The following DOCK7 variants were observed in gnomAD, a reference collection of about 807,000 sequenced individuals.
The protein encoded by DOCK7 is dedicator of cytokinesis protein 7.
DOCK7 carries 138 observed loss-of-function variants against 271.0 expected under a neutral mutation model. The observed-to-expected ratio is 0.51, with a 90% CI of 0.44 to 0.59. DOCK7 has a LOEUF of 0.59. DOCK7 is among the 20% of genes least tolerant of loss of function. DOCK7 has a pLI of 0.00. For missense variants in DOCK7, 2,066 were observed against 2,592.4 expected (o/e 0.80, Z 4.41); for synonymous variants, 823 against 876.1 (o/e 0.94, Z 1.07).
chr1:62,602,923 T>C (rs1650365142), intron 14 of DOCK7, among the ~76,000 whole-genome samples: 1 of 151,612 alleles, frequency 6.6e-6, no homozygotes, highest in African/African-American at 2.4e-5. Flanking sequence ...AATAGTAAAA[T>C]AAGCAAGATA....
intron 14 of DOCK7, among the ~76,000 whole-genome samples, chr1:62,614,914 A>G (rs896338768): frequency 7.2e-5 from 11 of 151,988 alleles, no homozygotes; most frequent in African/African-American, 2.6e-4. Flanking sequence ...TTGTTTTGTT[A>G]TAACATTGAC....
intron 48 of DOCK7, 61 bp downstream of exon 48, chr1:62,473,921 G>A: frequency 2.2e-6 from 3 of 1,394,038 alleles, no homozygotes; most frequent in African/African-American, 1.4e-5. Context: ...AGGCCCTTAT[G>A]TCATACTGTG....
At chr1:62,461,579 A>T (rs1645527684) in intron 48 of DOCK7, among the ~76,000 whole-genome samples, 1 of 151,788 alleles carries the variant, frequency 6.6e-6, no homozygotes, top group South Asian at 2.1e-4. Flanking sequence ...AGGCAGGAGG[A>T]TCGCTTGAAT....
intron 14 of DOCK7, among the ~76,000 whole-genome samples, chr1:62,614,859 G>A (rs1039064138): frequency 2.1e-4 from 32 of 151,838 alleles, no homozygotes; most frequent in Admixed American, 1.2e-3. Flanking sequence ...AGGACTTTAA[G>A]GACCATGTGC....
chr1:62,486,427 C>T (rs1646295771), intron 43 of DOCK7: 1 of 152,084 alleles, frequency 6.6e-6, no homozygotes, highest in South Asian at 2.1e-4. Context: ...AGGCAAAGCA[C>T]ACAACTTTAC....
At chr1:62,581,744 C>T (rs1387973132) in intron 16 of DOCK7, among the ~76,000 whole-genome samples, 3 of 150,294 alleles carry the variant, frequency 2.0e-5, no homozygotes, top group African/African-American at 7.3e-5. Context: ...AAAAAGAATA[C>T]TACAGAAAAA....
intron 7 of DOCK7, among the ~76,000 whole-genome samples, chr1:62,640,906 T>C (rs905686451): frequency 2.6e-5 from 4 of 152,220 alleles, no homozygotes; most frequent in South Asian, 2.1e-4. Flanking sequence ...AAGTAGGTCA[T>C]AGACAAATTA....
chr1:62,605,907 T>G (rs1386457392), intron 14 of DOCK7: 3 of 152,084 alleles, frequency 2.0e-5, no homozygotes, highest in Non-Finnish European at 4.4e-5. Flanking sequence ...AATTTATTTT[T>G]AAATATGATT....
chr1:62,465,200 T>C (rs1321176740), intron 48 of DOCK7, among the ~76,000 whole-genome samples: 1 of 152,220 alleles, frequency 6.6e-6, no homozygotes, highest in African/African-American at 2.4e-5. Flanking sequence ...ATGCTACTTA[T>C]CTCCAGGTGA....
intron 48 of DOCK7, among the ~76,000 whole-genome samples, chr1:62,461,241 G>A (rs889961030): frequency 2.0e-5 from 3 of 151,984 alleles, no homozygotes; most frequent in Admixed American, 6.6e-5. Flanking sequence ...AGTACTGGAC[G>A]TCCTAAATAT....
At position 62,543,731 on chromosome 1, in the gene DOCK7, A is replaced by G. The variant is rs1408259454; in HGVS notation, c.2874T>C (p.Ser958=). 6.3e-7 allele frequency: 1 copy of G among 1,595,532 alleles called. No individual in the cohort carries two copies. The highest frequency in any genetic ancestry group is 1.7e-5 in the Admixed American group (1 of 59,830). ...SAESTQAMDR[S]CNRMSSHTET... is the part of the protein sequence containing the mutation. ...CTGTGTGCGAAGACATACGATTACA[A>G]CTTCGATCCATAGCCTATGGAGTGA... The change falls in exon 24 of 50, where the codon AGT becomes AGC. Residue 958 remains serine, a synonymous_variant. Coordinates refer to ENST00000635253, the MANE Select transcript of DOCK7 (RefSeq NM_001367561.1).
intron 28 of DOCK7, among the ~76,000 whole-genome samples, chr1:62,536,230 C>T (rs946430369): frequency 7.2e-5 from 11 of 152,058 alleles, no homozygotes; most frequent in Admixed American, 3.9e-4. Context: ...TTCTCTATGG[C>T]GAAATCTTCT....
At position 62,582,549 on chromosome 1, in the gene DOCK7, C is replaced by CAAA. The variant is rs34110232; in HGVS notation, c.1871+632_1871+634dup. Among the ~76,000 whole-genome samples, 106 of 16,870 alleles carry CAAA rather than the reference C, an allele frequency of 6.3e-3. 9 individuals are homozygous for CAAA. Among genetic ancestry groups the CAAA allele is most frequent in the Non-Finnish European group, 9.6e-3 (74 of 7,682 alleles). The allele number at this position is 16,870 out of a possible 152,430, so 11.1% of individuals were successfully genotyped here. A position where few individuals can be genotyped will look rare whatever the true frequency, so the allele number is the denominator to read the frequency against. On this transcript the variant is annotated intron_variant, in intron 16 of 49. Coordinates refer to ENST00000635253, the MANE Select transcript of DOCK7 (RefSeq NM_001367561.1). ...TGGGGGACAGAGCGAGACTCCGTCT[C>CAAA]AAAAAAAAAAAAAAAAAAAAAAAAA...
chr1:62,467,479 G>A (rs1645712772), intron 48 of DOCK7, among the ~76,000 whole-genome samples: 1 of 152,160 alleles, frequency 6.6e-6, no homozygotes. Flanking sequence ...TGGCATAAGG[G>A]TTTCAATAAC....
intron 2 of DOCK7, among the ~76,000 whole-genome samples, chr1:62,655,091 T>C (rs1283344703): frequency 6.6e-6 from 1 of 152,226 alleles, no homozygotes; most frequent in Non-Finnish European, 1.5e-5. Context: ...TTTGTTACAG[T>C]AGCCATACGA....
At chr1:62,669,968 G>C (rs1426959569) in intron 1 of DOCK7, among the ~76,000 whole-genome samples, 1 of 152,252 alleles carries the variant, frequency 6.6e-6, no homozygotes, top group African/African-American at 2.4e-5. Flanking sequence ...GGGCTTGGTG[G>C]GCCCCGCACT....
chr1:62,550,676 T>C (rs1293466907), intron 22 of DOCK7, among the ~76,000 whole-genome samples: 1 of 151,886 alleles, frequency 6.6e-6, no homozygotes, highest in Non-Finnish European at 1.5e-5. Flanking sequence ...GTTTCAAGGT[T>C]TGGGAAAGAT....
chr1:62,546,538 A>G (rs541331894), intron 22 of DOCK7, among the ~76,000 whole-genome samples: 9 of 152,254 alleles, frequency 5.9e-5, no homozygotes, highest in Non-Finnish European at 1.2e-4. Flanking sequence ...CTTAACTATA[A>G]AATAAAAATG....
intron 13 of DOCK7, 88 bp downstream of exon 13, chr1:62,619,812 T>TAAAA: frequency 3.2e-6 from 2 of 621,648 alleles, no homozygotes; most frequent in Non-Finnish European, 5.1e-6. Flanking sequence ...GCCAGATAAA[T>TAAAA]AAAAAAAAAA....
Sources: allele counts gnomAD v4.1 joint callset (sites outside exome capture counted in the v4.1 genomes callset), GRCh38; gene constraint gnomAD v4.1.1; transcripts MANE v1.5; gene names NCBI Gene and HGNC (gene_info 2026-07-23, HGNC 2026-07-21).